The following PPP2R2D variants were observed in gnomAD, a reference collection of about 807,000 sequenced individuals.
The protein encoded by PPP2R2D is serine/threonine-protein phosphatase 2A 55 kDa regulatory subunit B delta isoform.
A neutral mutation model predicts 31.1 loss-of-function variants in PPP2R2D; 9 were observed. The observed-to-expected ratio is 0.29, with a 90% CI of 0.17 to 0.51. The LOEUF (loss-of-function observed/expected upper bound fraction) is 0.51, where lower values mean the gene tolerates loss of function less well. Ranked by LOEUF, PPP2R2D falls within the 20% of genes least tolerant of loss-of-function variation. The pLI is 0.98. For missense variants in PPP2R2D, 391 were observed against 465.6 expected, an observed-to-expected ratio of 0.84 and a Z score of 1.48; for synonymous variants, 179 against 172.6, an observed-to-expected ratio of 1.04 and a Z score of -0.29.
chr10:131,908,569 A>G (rs2035634064), intron 2 of PPP2R2D, among the ~76,000 whole-genome samples: 2 of 152,200 alleles, frequency 1.3e-5, no homozygotes, highest in African/African-American at 4.8e-5. Context: ...GGTGATGGAG[A>G]GGAATTGTGC....
At chr10:131,913,759 G>C (rs1401727709) in intron 2 of PPP2R2D, among the ~76,000 whole-genome samples, 2 of 152,186 alleles carry the variant, frequency 1.3e-5, no homozygotes, top group African/African-American at 2.4e-5. Flanking sequence ...GCCATGGCAG[G>C]TGTGGACTGT....
downstream of PPP2R2D, among the ~76,000 whole-genome samples, chr10:131,963,068 G>A (rs782647974): frequency 9.8e-5 from 15 of 152,310 alleles, no homozygotes; most frequent in Non-Finnish European, 1.6e-4. Flanking sequence ...GGGAGGCTGA[G>A]GCAGGACAAT....
Position 131,901,301 on chromosome 10 carries a change from A to T in PPP2R2D, c.71A>T (p.Lys24Met). Residue 24 changes from lysine (K) to methionine (M), a missense_variant, in exon 2 of 9, where the codon AAG (lysine) becomes ATG (methionine). Lys to Met is a moderately conservative substitution (Grantham distance 95). Coordinates refer to ENST00000455566, the MANE Select transcript of PPP2R2D (RefSeq NM_018461.5). ...TTCCAGTGGTGCTTCTCGCAGGTCA[A>T]GGGGGCCATCGACGAGGACGTGGCC... ...NDFQWCFSQV[K>M]GAIDEDVAEA... The T allele has an allele frequency of 2.8e-6, 1 of 357,672 alleles. No homozygotes were observed. 22.2% of individuals were successfully genotyped at this position (357,672 alleles called of 1,614,324 possible).
intron 2 of PPP2R2D, among the ~76,000 whole-genome samples, chr10:131,921,046 A>G (rs977976478): frequency 6.6e-6 from 1 of 152,230 alleles, no homozygotes; most frequent in Admixed American, 6.5e-5. Context: ...TTGTTTTGCT[A>G]ATATGATGGG....
intron 2 of PPP2R2D, among the ~76,000 whole-genome samples, chr10:131,928,781 T>A (rs190617015): frequency 6.6e-6 from 1 of 152,266 alleles, no homozygotes; most frequent in Non-Finnish European, 1.5e-5. Flanking sequence ...ACTATTAAGT[T>A]AGGAAAAGTC....
chr10:131,969,239 C>T, the PPP2R2D span: 3 of 152,238 alleles, frequency 2.0e-5, no homozygotes, highest in African/African-American at 2.4e-5. Flanking sequence ...GGGTGTGGGT[C>T]GCCAGTGGCA....
At chr10:131,944,669 T>C (rs936348339) in intron 6 of PPP2R2D, among the ~76,000 whole-genome samples, 15 of 152,174 alleles carry the variant, frequency 9.9e-5, no homozygotes, top group African/African-American at 3.4e-4. Flanking sequence ...GTCCCTGCCG[T>C]CCTCCCTCTG....
intron 2 of PPP2R2D, among the ~76,000 whole-genome samples, chr10:131,920,256 C>T (rs1403885244): frequency 6.5e-5 from 9 of 138,822 alleles, no homozygotes; most frequent in South Asian, 2.3e-4. Flanking sequence ...AGGGACCTGA[C>T]GTGGGTGGAA....
intron 8 of PPP2R2D, among the ~76,000 whole-genome samples, chr10:131,955,475 A>G (rs1554899748): frequency 6.6e-6 from 1 of 152,202 alleles, no homozygotes; most frequent in Non-Finnish European, 1.5e-5. Context: ...TGTGACATGG[A>G]TTCTTACTGA....
At chr10:131,938,001 C>T (rs1023216716) in intron 3 of PPP2R2D, among the ~76,000 whole-genome samples, 4 of 149,640 alleles carry the variant, frequency 2.7e-5, no homozygotes, top group Non-Finnish European at 5.9e-5. Context: ...CTCAGTGCGG[C>T]GGACAGGGGC....
At chr10:131,964,220 A>G (rs1350739972), downstream of PPP2R2D, among the ~76,000 whole-genome samples, 1 of 152,084 alleles carries the variant, frequency 6.6e-6, no homozygotes, top group African/African-American at 2.4e-5. Flanking sequence ...CTTTGGTGTA[A>G]TGAGTATCTT....
intron 3 of PPP2R2D, among the ~76,000 whole-genome samples, chr10:131,937,404 C>T (rs1017863109): frequency 3.9e-5 from 6 of 152,210 alleles, no homozygotes; most frequent in Admixed American, 3.3e-4. Context: ...GAAATCAGCA[C>T]GTCCAAAAAG....
intron 5 of PPP2R2D, among the ~76,000 whole-genome samples, chr10:131,941,005 A>G (rs2036431891): frequency 6.6e-6 from 1 of 152,214 alleles, no homozygotes. Flanking sequence ...GGTTCAGAAC[A>G]GCACCTGGGA....
intron 3 of PPP2R2D, among the ~76,000 whole-genome samples, chr10:131,939,171 G>C (rs2036397955): frequency 4.9e-5 from 2 of 40,946 alleles, no homozygotes; most frequent in Non-Finnish European, 4.6e-5. Flanking sequence ...CGGCAGACCT[G>C]CTCCAGAAAA....
At chr10:131,960,162 G>A (rs1026961456), downstream of PPP2R2D, among the ~76,000 whole-genome samples, 2 of 152,212 alleles carry the variant, frequency 1.3e-5, no homozygotes, top group South Asian at 2.1e-4. Context: ...ACCTATGTCC[G>A]CAAAAAGCAG....
intron 5 of PPP2R2D, among the ~76,000 whole-genome samples, chr10:131,943,431 C>T (rs1484693816): frequency 5.3e-5 from 8 of 152,168 alleles, no homozygotes; most frequent in African/African-American, 1.9e-4. Flanking sequence ...GCCCATGTAG[C>T]CAGCCCCAGA....
chr10:131,907,947 G>A (rs1482396451), intron 2 of PPP2R2D, among the ~76,000 whole-genome samples: 1 of 152,160 alleles, frequency 6.6e-6, no homozygotes, highest in Non-Finnish European at 1.5e-5. Context: ...TTGGGTTTGT[G>A]TCTGCTGTTT....
chr10:131,923,068 G>C (rs2036025276), intron 2 of PPP2R2D, among the ~76,000 whole-genome samples: 1 of 152,170 alleles, frequency 6.6e-6, no homozygotes, highest in South Asian at 2.1e-4. Flanking sequence ...TGAATATTCA[G>C]TTTTGTGGCC....
chr10:131,920,490 T>C (rs1356768208), intron 2 of PPP2R2D, among the ~76,000 whole-genome samples: 1 of 152,270 alleles, frequency 6.6e-6, no homozygotes, highest in Non-Finnish European at 1.5e-5. Context: ...GTTTGTCCAC[T>C]TGTGTCTGGC....
Sources: gnomAD v4.1 joint callset for allele counts (sites outside exome capture counted in the v4.1 genomes callset) on GRCh38, gnomAD v4.1.1 for gene constraint, MANE v1.5 for transcripts, NCBI Gene and HGNC (gene_info 2026-07-23, HGNC 2026-07-21) for gene names.